ASIC2: variants seen among roughly 807,000 people sequenced by gnomAD.
ASIC2 encodes the protein acid sensing ion channel subunit 2, also known as acid-sensing ion channel 2.
ASIC2 carries 25 observed loss-of-function variants against 57.3 expected under a neutral mutation model. The observed-to-expected ratio is 0.44, with a 90% CI of 0.32 to 0.61. ASIC2 has a LOEUF of 0.61. ASIC2 is among the 20% of genes least tolerant of loss of function. ASIC2 has a pLI of 0.06. For missense variants in ASIC2, 641 were observed against 738.1 expected (o/e 0.87, Z 1.52); for synonymous variants, 319 against 307.5 (o/e 1.04, Z -0.39).
intron 1 of ASIC2, among the ~76,000 whole-genome samples, chr17:34,016,098 G>A (rs1409540928): frequency 6.6e-6 from 1 of 152,182 alleles, no homozygotes; most frequent in Non-Finnish European, 1.5e-5. Context: ...AGTATAAGAT[G>A]TGCTCATATG....
intron 1 of ASIC2, among the ~76,000 whole-genome samples, chr17:33,279,905 C>A (rs2142167407): frequency 6.6e-6 from 1 of 152,246 alleles, no homozygotes; most frequent in Non-Finnish European, 1.5e-5. Context: ...AAGAAGATAA[C>A]AAATGGGAGG....
intron 1 of ASIC2, among the ~76,000 whole-genome samples, chr17:33,447,674 A>G (rs1912076721): frequency 6.6e-6 from 1 of 152,180 alleles, no homozygotes; most frequent in Non-Finnish European, 1.5e-5. Flanking sequence ...GGATAGCTTC[A>G]AGAGAGATAC....
At chr17:33,117,358 T>G (rs900253578) in intron 1 of ASIC2, among the ~76,000 whole-genome samples, 1 of 151,778 alleles carries the variant, frequency 6.6e-6, no homozygotes, top group Admixed American at 6.6e-5. Flanking sequence ...GTATTTTTAG[T>G]AGAGACAAGG....
intron 3 of ASIC2, among the ~76,000 whole-genome samples, chr17:33,032,609 C>T (rs1320418957): frequency 3.3e-5 from 5 of 152,022 alleles, no homozygotes; most frequent in African/African-American, 1.2e-4. Context: ...CCACCATGCC[C>T]AGCTAATTTT....
intron 1 of ASIC2, among the ~76,000 whole-genome samples, chr17:34,099,132 GA>G (rs1910672011): frequency 3.1e-5 from 1 of 32,500 alleles, no homozygotes; most frequent in Non-Finnish European, 6.6e-5. Flanking sequence ...GAGAGAGAGA[GA>G]GAGAGAGAGA....
chr17:33,671,055 G>A (rs1907623540), intron 1 of ASIC2, among the ~76,000 whole-genome samples: 1 of 152,142 alleles, frequency 6.6e-6, no homozygotes, highest in Non-Finnish European at 1.5e-5. Context: ...TGCTGCATGA[G>A]ACCCGTCTGG....
intron 1 of ASIC2, among the ~76,000 whole-genome samples, chr17:33,832,279 C>G (rs1913137367): frequency 6.6e-6 from 1 of 152,200 alleles, no homozygotes; most frequent in South Asian, 2.1e-4. Flanking sequence ...GATGAATTCT[C>G]CACAATTCCT....
At chr17:33,354,547 C>T (rs563895533) in intron 1 of ASIC2, among the ~76,000 whole-genome samples, 1 of 152,220 alleles carries the variant, frequency 6.6e-6, no homozygotes, top group South Asian at 2.1e-4. Context: ...CAGCCCTACC[C>T]CCATGGCTTC....
intron 1 of ASIC2, among the ~76,000 whole-genome samples, chr17:33,630,720 T>G (rs539115941): frequency 2.4e-4 from 37 of 152,304 alleles, no homozygotes; most frequent in African/African-American, 8.9e-4. Flanking sequence ...CTTACTGGGT[T>G]ATTGAAAGAA....
At chr17:33,736,884 T>G (rs1163575720) in intron 1 of ASIC2, among the ~76,000 whole-genome samples, 1 of 152,244 alleles carries the variant, frequency 6.6e-6, no homozygotes, top group African/African-American at 2.4e-5. Context: ...ATGGGCATGT[T>G]TTTGGCCAAT....
At chr17:33,859,726 G>A (rs986074585) in intron 1 of ASIC2, among the ~76,000 whole-genome samples, 2 of 152,200 alleles carry the variant, frequency 1.3e-5, no homozygotes, top group African/African-American at 4.8e-5. Context: ...TGCCACCCAA[G>A]CTAGAGTGCA....
At chr17:33,820,048 G>A (rs1437976710) in intron 1 of ASIC2, among the ~76,000 whole-genome samples, 1 of 152,166 alleles carries the variant, frequency 6.6e-6, no homozygotes, top group Non-Finnish European at 1.5e-5. Context: ...GACAATGATA[G>A]AGGCCCCAGC....
At chr17:34,024,706 A>C (rs1907308746) in intron 1 of ASIC2, among the ~76,000 whole-genome samples, 1 of 152,064 alleles carries the variant, frequency 6.6e-6, no homozygotes, top group Admixed American at 6.6e-5. Context: ...CAGCGTGGGG[A>C]GGGGTGCAGG....
In ASIC2 at chr17:33,111,996, G is replaced by A. The variant is rs2092260233; in HGVS notation, c.780C>T (p.Val260=). 1.2e-6 allele frequency: 2 copies of A among 1,614,000 alleles called. No individual in the cohort carries two copies. The highest frequency in any genetic ancestry group is 2.2e-5 in the East Asian group (1 of 44,852). ...CCAGCCCGTTGCCTGTCCCCCCCTT[G>A]ACCGTGGTGAGCAGAGGTTTGCCAT... ...GEDGKPLLTT[V]KGGTGNGLEI... Residue 260 remains valine, a synonymous_variant, in exon 2 of 10, where the codon GTC becomes GTT. Coordinates refer to ENST00000225823, the MANE Select transcript of ASIC2 (RefSeq NM_183377.2).
At chr17:33,423,306 G>A (rs1440817339) in intron 1 of ASIC2, among the ~76,000 whole-genome samples, 1 of 152,216 alleles carries the variant, frequency 6.6e-6, no homozygotes, top group African/African-American at 2.4e-5. Context: ...AAAACATGAT[G>A]AGTGCTGGAA....
intron 1 of ASIC2, among the ~76,000 whole-genome samples, chr17:33,372,417 T>C (rs1909105432): frequency 6.6e-6 from 1 of 152,092 alleles, no homozygotes; most frequent in African/African-American, 2.4e-5. Context: ...GCCTACCCCC[T>C]GGGGCCCGGG....
intron 1 of ASIC2, among the ~76,000 whole-genome samples, chr17:33,537,269 C>T (rs1915264180): frequency 6.6e-6 from 1 of 152,052 alleles, no homozygotes; most frequent in Non-Finnish European, 1.5e-5. Context: ...TTGCTGATCC[C>T]TTTGCCTCAA....
intron 2 of ASIC2, among the ~76,000 whole-genome samples, chr17:33,093,392 G>A (rs1181875014): frequency 7.3e-6 from 1 of 137,166 alleles, no homozygotes; most frequent in Non-Finnish European, 1.6e-5. Flanking sequence ...TGAATGATTT[G>A]TTTACACATC....
intron 1 of ASIC2, among the ~76,000 whole-genome samples, chr17:33,224,640 G>A (rs1281017207): frequency 6.6e-6 from 1 of 152,152 alleles, no homozygotes; most frequent in Non-Finnish European, 1.5e-5. Context: ...CCATTTTATC[G>A]AATTCTCACT....
Sources: gnomAD v4.1 joint callset for allele counts (sites outside exome capture counted in the v4.1 genomes callset) on GRCh38, gnomAD v4.1.1 for gene constraint, MANE v1.5 for transcripts, NCBI Gene and HGNC (gene_info 2026-07-23, HGNC 2026-07-21) for gene names.